The following MLLT10 variants were observed in gnomAD, a reference collection of about 807,000 sequenced individuals.
MLLT10 encodes the protein protein AF-10.
In MLLT10, 30 loss-of-function variants were observed where a neutral mutation model predicts 129.1. The ratio of observed to expected loss-of-function variants is 0.23; its 90% CI spans 0.17 to 0.32. MLLT10 has a LOEUF of 0.32. MLLT10 is among the 10% of genes least tolerant of loss of function. The probability of loss-of-function intolerance (pLI) is 1.00; values close to 1 mark genes in which losing one functional copy is unlikely to be tolerated. For synonymous variants in MLLT10, 490 were observed against 446.4 expected (o/e 1.10, Z -1.23); for missense variants, 1,119 against 1,268.3 (o/e 0.88, Z 1.79).
intron 11 of MLLT10, among the ~76,000 whole-genome samples, chr10:21,678,125 G>T (rs2052373743): frequency 6.6e-6 from 1 of 151,428 alleles, no homozygotes; most frequent in Non-Finnish European, 1.5e-5. Context: ...TCTTTTTTGA[G>T]CTGGAGTCTT....
chr10:21,645,451 A>G (rs1328377036), intron 8 of MLLT10, among the ~76,000 whole-genome samples: 1 of 152,122 alleles, frequency 6.6e-6, no homozygotes, highest in African/African-American at 2.4e-5. Context: ...GAATATAGGC[A>G]CTCTTACTAG....
chr10:21,625,595 T>A, intron 8 of MLLT10: 1 of 758,508 alleles, frequency 1.3e-6, no homozygotes, highest in South Asian at 1.4e-5. Flanking sequence ...CTTCTTTTTG[T>A]CATCAGGTTG....
intron 8 of MLLT10, among the ~76,000 whole-genome samples, chr10:21,637,916 C>A (rs925501276): frequency 1.3e-5 from 2 of 152,074 alleles, no homozygotes; most frequent in African/African-American, 4.8e-5. Context: ...TTTTCACTGG[C>A]CTTGCAGGGC....
intron 9 of MLLT10, among the ~76,000 whole-genome samples, chr10:21,659,220 G>A (rs566967159): frequency 6.6e-6 from 1 of 152,024 alleles, no homozygotes; most frequent in South Asian, 2.1e-4. Context: ...GAATTTTTTT[G>A]TGTTTTCTTT....
At chr10:21,674,591 G>A (rs1487784546) in intron 11 of MLLT10, among the ~76,000 whole-genome samples, 1 of 152,002 alleles carries the variant, frequency 6.6e-6, no homozygotes, top group African/African-American at 2.4e-5. Context: ...CTTGCAATTT[G>A]TATTATGAAT....
At chr10:21,646,925 G>GT (rs2048544409) in intron 8 of MLLT10, among the ~76,000 whole-genome samples, 1 of 151,238 alleles carries the variant, frequency 6.6e-6, no homozygotes, top group Middle Eastern at 3.2e-3. Flanking sequence ...GCGTGATCTG[G>GT]GCTCACTGCA....
intron 16 of MLLT10, 132 bp from the exon 17 acceptor site, chr10:21,730,768 C>A: frequency 1.2e-6 from 1 of 804,094 alleles, no homozygotes; most frequent in Non-Finnish European, 2.0e-6. Context: ...AATCCAGGAA[C>A]CTGATACTTC....
At chr10:21,729,546 T>TA (rs749810804) in intron 16 of MLLT10, among the ~76,000 whole-genome samples, 7 of 152,190 alleles carry the variant, frequency 4.6e-5, no homozygotes, top group Admixed American at 2.0e-4. Context: ...TTTAACATCT[T>TA]ACGAAAATTT....
intron 3 of MLLT10, among the ~76,000 whole-genome samples, chr10:21,581,529 T>C (rs1310122876): frequency 6.6e-6 from 1 of 151,422 alleles, no homozygotes; most frequent in Non-Finnish European, 1.5e-5. Flanking sequence ...ACACTACTGA[T>C]AGGGTTTGGC....
chr10:21,615,223 C>T (rs1398954912), intron 7 of MLLT10, among the ~76,000 whole-genome samples: 3 of 151,672 alleles, frequency 2.0e-5, no homozygotes, highest in South Asian at 2.1e-4. Flanking sequence ...TTTGGGAGGC[C>T]GAGGCGGGTG....
chr10:21,689,176 T>TA (rs989359359), intron 13 of MLLT10, among the ~76,000 whole-genome samples: 6 of 152,106 alleles, frequency 3.9e-5, no homozygotes, highest in African/African-American at 7.2e-5. Flanking sequence ...TCTTTCTTTA[T>TA]GTCTATATGT....
At chr10:21,538,984 T>G in intron 3 of MLLT10, 72 bp downstream of exon 3, 1 of 1,086,716 alleles carries the variant, frequency 9.2e-7, no homozygotes, top group Non-Finnish European at 1.4e-6. Flanking sequence ...ACTCCTGTTG[T>G]GGTTTGTGGG....
At chr10:21,556,006 C>T (rs113051993) in intron 3 of MLLT10, among the ~76,000 whole-genome samples, 1,887 of 148,404 alleles carry the variant, frequency 0.013, 20 homozygotes, top group Non-Finnish European at 0.02. Flanking sequence ...CACGGAGTCT[C>T]GCTCTGTTGC....
rs371184801 is a variant in MLLT10, at chr10:21,621,678, C to G, written c.699+4471C>G. Among the ~76,000 whole-genome samples, 5 of 141,592 alleles carry G rather than the reference C, an allele frequency of 3.5e-5. No homozygotes were observed. In the East Asian group the frequency reaches 9.8e-4, roughly 28 times the overall value. The allele number at this position is 141,592 out of a possible 152,430, so 92.9% of individuals were successfully genotyped here. A position where few individuals can be genotyped will look rare whatever the true frequency, so the allele number is the denominator to read the frequency against. ...GAGATGGCAGGGGCAGGGAGGTCTA[C>G]TGGGATTCCACACCCCTGCCTCCCA... On this transcript the variant is annotated intron_variant, in intron 8 of 22. Transcript: ENST00000307729.
intron 14 of MLLT10, among the ~76,000 whole-genome samples, chr10:21,715,049 A>G (rs1017463783): frequency 1.3e-5 from 2 of 152,196 alleles, no homozygotes; most frequent in African/African-American, 4.8e-5. Context: ...TGGTCAAGAA[A>G]ATGGTCACAG....
intron 3 of MLLT10, chr10:21,557,314 CTTCAGTG>C (rs1364379413): frequency 2.5e-6 from 1 of 403,838 alleles, no homozygotes; most frequent in Non-Finnish European, 3.6e-6. Context: ...CCATTTTGTT[CTTCAGTG>C]ACTCTTAACA....
intron 13 of MLLT10, among the ~76,000 whole-genome samples, chr10:21,686,910 G>C (rs1396648638): frequency 6.6e-6 from 1 of 152,090 alleles, no homozygotes; most frequent in Non-Finnish European, 1.5e-5. Flanking sequence ...TTGAACCCAG[G>C]AGGCGAAGGT....
intron 11 of MLLT10, among the ~76,000 whole-genome samples, chr10:21,676,189 G>A (rs562415934): frequency 7.8e-4 from 118 of 152,194 alleles, no homozygotes; most frequent in Non-Finnish European, 1.4e-3. Flanking sequence ...CAGCACTTTG[G>A]GAGGCTGAGG....
chr10:21,706,785 C>A (rs1239600410), intron 13 of MLLT10, among the ~76,000 whole-genome samples: 1 of 152,104 alleles, frequency 6.6e-6, no homozygotes, highest in African/African-American at 2.4e-5. Context: ...AAACTTAAGT[C>A]TAAACAATGT....
Sources: gnomAD v4.1 joint callset for allele counts (sites outside exome capture counted in the v4.1 genomes callset) on GRCh38, gnomAD v4.1.1 for gene constraint, MANE v1.5 for transcripts, NCBI Gene and HGNC (gene_info 2026-07-23, HGNC 2026-07-21) for gene names.